The following TENM4 variants were observed in gnomAD, a reference collection of about 807,000 sequenced individuals.
The protein encoded by TENM4 is teneurin-4.
A neutral mutation model predicts 243.3 loss-of-function variants in TENM4; 82 were observed. The ratio of observed to expected loss-of-function variants is 0.34; its 90% CI spans 0.28 to 0.40. The LOEUF (loss-of-function observed/expected upper bound fraction) is 0.40, where lower values mean the gene tolerates loss of function less well. Ranked by LOEUF, TENM4 falls within the 10% of genes least tolerant of loss-of-function variation. The pLI, the probability that TENM4 is intolerant of heterozygous loss-of-function variation, is 1.00. For synonymous variants in TENM4, 1,412 were observed against 1,456.3 expected (o/e 0.97, Z 0.69); for missense variants, 3,138 against 3,673.3 (o/e 0.85, Z 3.77).
chr11:78,879,794 G>A (rs1051927386), intron 9 of TENM4, among the ~76,000 whole-genome samples: 7 of 151,440 alleles, frequency 4.6e-5, no homozygotes, highest in African/African-American at 1.5e-4. Flanking sequence ...TGTGAGGAGC[G>A]CCTCTGCCCG....
intron 1 of TENM4, among the ~76,000 whole-genome samples, chr11:79,304,182 G>T (rs1266398368): frequency 6.6e-6 from 1 of 152,200 alleles, no homozygotes; most frequent in South Asian, 2.1e-4. Flanking sequence ...AAAGGTCCCA[G>T]TAACTTGGCA....
intron 6 of TENM4, among the ~76,000 whole-genome samples, chr11:78,930,274 G>C (rs1441515492): frequency 6.6e-6 from 1 of 152,176 alleles, no homozygotes; most frequent in Non-Finnish European, 1.5e-5. Flanking sequence ...GAAAGGAAGA[G>C]AAGCTAACTG....
In TENM4 at chr11:79,041,086, C is replaced by T. The variant is rs369422935; in HGVS notation, c.493+23652G>A. Among the ~76,000 whole-genome samples, 126 of 146,786 alleles carry T rather than the reference C, an allele frequency of 8.6e-4. 1 individual carries two copies. The Middle Eastern group carries it at 0.01, about 12-fold the overall frequency. On this transcript the variant is annotated intron_variant, in intron 6 of 33. Coordinates refer to ENST00000278550, the MANE Select transcript of TENM4 (RefSeq NM_001098816.3). ...ATTCTCCTCTTTTTTTTTTTTGAGA[C>T]AGAGTCTCACTCTGTCACCTTGGCT... is the stretch of plus-strand genomic sequence containing the variant.
intron 3 of TENM4, among the ~76,000 whole-genome samples, chr11:79,186,895 G>A (rs1863390573): frequency 6.6e-6 from 1 of 152,186 alleles, no homozygotes; most frequent in Non-Finnish European, 1.5e-5. Context: ...GCCCCTCGGA[G>A]CCCGATTCTC....
At chr11:79,388,705 G>C (rs1858167781) in intron 1 of TENM4, among the ~76,000 whole-genome samples, 1 of 152,234 alleles carries the variant, frequency 6.6e-6, no homozygotes, top group Admixed American at 6.5e-5. Flanking sequence ...AGAAGAATGA[G>C]ATGTGGCCAC....
intron 6 of TENM4, among the ~76,000 whole-genome samples, chr11:78,909,381 G>A (rs1856131848): frequency 6.6e-6 from 1 of 152,124 alleles, no homozygotes; most frequent in Non-Finnish European, 1.5e-5. Context: ...TCCCAGTTTT[G>A]TAAATGAGGA....
chr11:79,226,936 C>G (rs1180233296), intron 2 of TENM4, among the ~76,000 whole-genome samples: 2 of 152,278 alleles, frequency 1.3e-5, no homozygotes, highest in Middle Eastern at 6.8e-3. Context: ...GACGCTTTGC[C>G]AGACACTTGT....
chr11:79,293,472 G>A (rs570003627), intron 2 of TENM4, among the ~76,000 whole-genome samples: 1 of 148,872 alleles, frequency 6.7e-6, no homozygotes, highest in Admixed American at 6.8e-5. Flanking sequence ...ACATTATTGT[G>A]CTCCAGCCTG....
intron 1 of TENM4, among the ~76,000 whole-genome samples, chr11:79,317,203 TCACA>T (rs889470386): frequency 6.6e-6 from 1 of 152,238 alleles, no homozygotes; most frequent in Non-Finnish European, 1.5e-5. Flanking sequence ...TTGTTAACAC[TCACA>T]CACGGTTTCA....
At chr11:79,102,937 A>C (rs1861272135) in intron 4 of TENM4, among the ~76,000 whole-genome samples, 1 of 152,062 alleles carries the variant, frequency 6.6e-6, no homozygotes, top group Non-Finnish European at 1.5e-5. Flanking sequence ...TAGACAGCAT[A>C]GTTCTAAAGC....
At chr11:79,295,095 AAC>A (rs1050129916) in intron 2 of TENM4, among the ~76,000 whole-genome samples, 1 of 152,186 alleles carries the variant, frequency 6.6e-6, no homozygotes, top group African/African-American at 2.4e-5. Flanking sequence ...TCCTGCTCAG[AAC>A]ACACCAGCCC....
At position 78,654,729 on chromosome 11, in the gene TENM4, G is replaced by A. The variant is rs1857848171; in HGVS notation, c.*3329C>T. 6.6e-6 allele frequency: 1 copy of A among 152,092 alleles called. No individual in the cohort carries two copies. Among genetic ancestry groups the A allele is most frequent in the Non-Finnish European group, 1.5e-5 (1 of 68,040 alleles). 9.4% of individuals were successfully genotyped at this position (152,092 alleles called of 1,614,324 possible). ...ACAATTCTGAGAGATGAGGGTCAGA[G>A]GCTGACAAGGCAGTAATTTACCTGC... On this transcript the variant is annotated 3_prime_UTR_variant, in exon 34 of 34. Transcript: ENST00000278550.
At position 79,276,530 on chromosome 11, in the gene TENM4, G is replaced by A. The variant is rs2136985; in HGVS notation, c.-265+20958C>T. Among the ~76,000 whole-genome samples the A allele has an allele frequency of 2.7e-3, 416 of 152,292 alleles. 2 individuals carry two copies. The highest frequency in any genetic ancestry group is 9.2e-3 in the African/African-American group (383 of 41,560). Reference sequence around the variant, plus strand: ...AAGAGCTGCTGCTAGGGATACATCCGGCATGCATCTTTCTCCTAGCGCAGG... The same window carrying A: ...AAGAGCTGCTGCTAGGGATACATCCAGCATGCATCTTTCTCCTAGCGCAGG... On this transcript the variant is annotated intron_variant, in intron 2 of 33. Coordinates refer to ENST00000278550, the MANE Select transcript of TENM4 (RefSeq NM_001098816.3).
chr11:79,058,593 T>A (rs1406250656), intron 6 of TENM4, among the ~76,000 whole-genome samples: 2 of 151,596 alleles, frequency 1.3e-5, no homozygotes, highest in African/African-American at 4.8e-5. Flanking sequence ...GTAGGATGGA[T>A]CTGGATTCAC....
chr11:79,435,762 T>C (rs1859260260), intron 1 of TENM4, among the ~76,000 whole-genome samples: 1 of 152,180 alleles, frequency 6.6e-6, no homozygotes, highest in African/African-American at 2.4e-5. Flanking sequence ...AATTAGAGTG[T>C]GAGCTGGCAT....
At chr11:78,914,663 C>G (rs1222535254) in intron 6 of TENM4, among the ~76,000 whole-genome samples, 2 of 152,226 alleles carry the variant, frequency 1.3e-5, no homozygotes, top group Non-Finnish European at 2.9e-5. Flanking sequence ...TGCTCCTGAT[C>G]TCAACATCAC....
At chr11:79,324,071 C>T (rs921101896) in intron 1 of TENM4, among the ~76,000 whole-genome samples, 6 of 152,066 alleles carry the variant, frequency 3.9e-5, no homozygotes, top group African/African-American at 1.5e-4. Context: ...TTGCATATAA[C>T]CTACACACAT....
rs779560391 is a variant in TENM4, at chr11:78,688,075, C to T, written c.5239G>A (p.Ala1747Thr). The change falls in exon 29 of 34, where the codon GCC becomes ACC. Residue 1747 changes from alanine (A) to threonine (T), a missense_variant. By Grantham distance (58) the Ala-to-Thr change is moderately conservative. Transcript: ENST00000278550. Reference sequence around the variant, plus strand: ...TTACCTTGCAGCAGTGTGTAGAAGGCGCCTGAGGCAGACAGGTTGGTGGTT... The same window carrying T: ...TTACCTTGCAGCAGTGTGTAGAAGGTGCCTGAGGCAGACAGGTTGGTGGTT... ...TITTNLSASG[A>T]FYTLLQDQVR... The T allele has an allele frequency of 2.7e-5, 44 of 1,613,618 alleles. 1 individual carries two copies. In the South Asian group the frequency reaches 3.6e-4, roughly 13 times the overall value.
intron 6 of TENM4, among the ~76,000 whole-genome samples, chr11:78,974,718 CTTTTCTT>C (rs1857612458): frequency 1.4e-5 from 2 of 140,910 alleles, no homozygotes; most frequent in African/African-American, 5.5e-5. Context: ...TTTTTCTTTT[CTTTTCTT>C]TTTTTTTTTT....
Sources: gnomAD v4.1 joint callset for allele counts (sites outside exome capture counted in the v4.1 genomes callset) on GRCh38, gnomAD v4.1.1 for gene constraint, MANE v1.5 for transcripts, NCBI Gene and HGNC (gene_info 2026-07-23, HGNC 2026-07-21) for gene names.